KIAA1210: variants seen among roughly 807,000 people sequenced by gnomAD.
The protein encoded by KIAA1210 is acrosomal protein KIAA1210.
In KIAA1210, 48 loss-of-function variants were observed where a neutral mutation model predicts 78.9. The observed-to-expected ratio is 0.61, with a 90% CI of 0.48 to 0.77. The LOEUF (loss-of-function observed/expected upper bound fraction) is 0.77. Among genes scored for constraint, KIAA1210 ranks in the 30% least tolerant of loss-of-function variants. KIAA1210 has a pLI of 0.00. For missense variants in KIAA1210, 1,108 were observed against 1,100.0 expected, an observed-to-expected ratio of 1.01 and a Z score of -0.10; for synonymous variants, 406 against 404.5, an observed-to-expected ratio of 1.00 and a Z score of -0.04.
In KIAA1210 at chrX:119,087,345, C is replaced by T. The variant is rs1569311839; in HGVS notation, c.3357G>A (p.Arg1119=). 8.3e-7 allele frequency: 1 copy of T among 1,211,119 alleles called. No homozygotes were observed. The highest frequency in any genetic ancestry group is 1.7e-5 in the African/African-American group (1 of 57,763). Residue 1119 remains arginine (R), a synonymous_variant, in exon 9 of 12, where the codon AGG becomes AGA. Transcript: ENST00000691062. ...CSSFKEQLSP[R]QLSQALRKPE... ...GTTTCCTCAAGGCCTGGGAAAGCTG[C>T]CTGGGAGACAGCTGCTCTTTAAAAC...
rs182753286 is a variant in KIAA1210, at chrX:119,140,511, G to A, written c.410+6962C>T. The stretch of plus-strand genomic sequence containing the variant: ...GCCACTGCACTCCAGCCTGAGCGAC[G>A]ACAGAACAAGACTCTTTCTTAAAAA... On this transcript the variant is annotated intron_variant, in intron 2 of 13. Transcript: ENST00000402510. Among the ~76,000 whole-genome samples, 310 of 81,763 alleles carry A rather than the reference G, an allele frequency of 3.8e-3. 1 individual carries two copies. Among genetic ancestry groups the A allele is most frequent in the African/African-American group, 0.014 (298 of 21,162 alleles). 71.0% of individuals were successfully genotyped at this position (81,763 alleles called of 115,157 possible). A position where few individuals can be genotyped will look rare whatever the true frequency, so the allele number is the denominator to read the frequency against.
chrX:119,108,498 T>C, intron 4 of KIAA1210, 27 bp from the exon 5 acceptor site: 1 of 1,193,951 alleles, frequency 8.4e-7, no homozygotes, highest in South Asian at 1.9e-5. Context: ...GAAAAAAACT[T>C]GAGGATTGGT....
intron 6 of KIAA1210, among the ~76,000 whole-genome samples, chrX:119,104,584 A>C (rs766286241): frequency 8.9e-6 from 1 of 112,081 alleles, no homozygotes; most frequent in African/African-American, 3.2e-5. Context: ...AAACCTAGAC[A>C]TATGAAATAG....
At chrX:119,150,311 A>T in exon 1 of KIAA1210, 1 of 1,205,897 alleles carries the variant, frequency 8.3e-7, no homozygotes, top group Non-Finnish European at 1.1e-6. Flanking sequence ...AGTGGTAGGG[A>T]ATCGCGGTGT....
At chrX:119,110,819 T>A (rs190711898) in intron 3 of KIAA1210, among the ~76,000 whole-genome samples, 1 of 111,404 alleles carries the variant, frequency 9.0e-6, no homozygotes, top group Non-Finnish European at 1.9e-5. Flanking sequence ...TGAAAGGAAA[T>A]CCCATGTTCA....
chrX:119,138,137 G>T (rs1319684439), intron 2 of KIAA1210, among the ~76,000 whole-genome samples: 1 of 109,398 alleles, frequency 9.1e-6, no homozygotes, highest in Non-Finnish European at 1.9e-5. Context: ...AGGACTAAAA[G>T]GGACATTTCC....
In KIAA1210 at chrX:119,088,942, G is replaced by A; in HGVS notation, c.1760C>T (p.Pro587Leu). ...TGAGGACTGAAAAAGGCTTCTGGGAGGCAGAGTCTTGGCATAAACATCTCC... is the reference window on the plus strand; with the variant it reads ...TGAGGACTGAAAAAGGCTTCTGGGAAGCAGAGTCTTGGCATAAACATCTCC... ...AKGDVYAKTL[P>L]PRSLFQSSRK... Residue 587 changes from proline (P) to leucine (L), a missense_variant, in exon 9 of 12, where the codon CCT becomes CTT. Around this residue, in one of 5 missense-constraint regions of KIAA1210, gnomAD observed 672 missense variants for 607.1 expected, o/e 1.11. Coordinates refer to ENST00000691062, the MANE Select transcript of KIAA1210 (RefSeq NM_001394962.1). 8.3e-7 allele frequency: 1 copy of A among 1,211,470 alleles called. No individual in the cohort carries two copies. The highest frequency in any genetic ancestry group is 1.1e-6 in the Non-Finnish European group (1 of 895,171).
chrX:119,099,599 A>G (rs148956464), intron 6 of KIAA1210, among the ~76,000 whole-genome samples: 219 of 112,494 alleles, frequency 1.9e-3, no homozygotes, highest in African/African-American at 6.9e-3. Flanking sequence ...TTATGTGGGT[A>G]TAGATTATAT....
rs1466161181 is a variant in KIAA1210 at position 119,146,564 on chromosome X, A to G, written c.410+909T>C. On this transcript the variant is annotated intron_variant, in intron 2 of 13. Coordinates refer to the KIAA1210 transcript ENST00000402510. ...ATTTTCTCCTAAATGAATTTTTGCA[A>G]AGATTTAAATACTTTATGTTGTAAA... Among the ~76,000 whole-genome samples the G allele has an allele frequency of 5.3e-5, 6 of 112,468 alleles. No individual in the cohort carries two copies. The Admixed American group carries it at 5.6e-4, about 11-fold the overall frequency.
intron 2 of KIAA1210, among the ~76,000 whole-genome samples, chrX:119,141,876 G>A (rs761519097): frequency 6.7e-4 from 76 of 112,684 alleles, no homozygotes; most frequent in South Asian, 1.8e-3. Context: ...GAAGTAGGTG[G>A]AATGAAAGAA....
At chrX:119,090,870 GA>G (rs1351385972) in intron 8 of KIAA1210, among the ~76,000 whole-genome samples, 5 of 110,993 alleles carry the variant, frequency 4.5e-5, no homozygotes, top group African/African-American at 1.6e-4. Context: ...CTGTGAACCA[GA>G]TGGAAAACTC....
chrX:119,093,879 G>A lies in KIAA1210; in HGVS notation c.847-104C>T, dbSNP rs1927468644. The A allele has an allele frequency of 3.5e-6, 3 of 866,800 alleles. No individual in the cohort carries two copies. In the Admixed American group the frequency reaches 8.2e-5, roughly 24 times the overall value. The allele number at this position is 866,800 out of a possible 1,213,427, so 71.4% of individuals were successfully genotyped here. ...ATCAGGAAAAAAGTTCTTGATGCTGGGCACGTAACAGTACCTTTAAAGATG... is the reference window on the plus strand; with the variant it reads ...ATCAGGAAAAAAGTTCTTGATGCTGAGCACGTAACAGTACCTTTAAAGATG... On this transcript the variant is annotated intron_variant, in intron 7 of 11. Transcript: ENST00000691062.
chrX:119,140,978 C>T (rs1048356298), intron 2 of KIAA1210, among the ~76,000 whole-genome samples: 2 of 112,265 alleles, frequency 1.8e-5, no homozygotes, highest in African/African-American at 3.2e-5. Context: ...TCTGGATACC[C>T]CTCCAACTAT....
At chrX:119,129,469 G>A (rs1569322734), upstream of KIAA1210, among the ~76,000 whole-genome samples, 1 of 110,482 alleles carries the variant, frequency 9.1e-6, no homozygotes, top group East Asian at 2.8e-4. Flanking sequence ...GGTTATATTG[G>A]GTTAAGTAAA....
At chrX:119,106,104 G>A (rs1386786166) in intron 5 of KIAA1210, among the ~76,000 whole-genome samples, 1 of 111,636 alleles carries the variant, frequency 9.0e-6, no homozygotes, top group African/African-American at 3.3e-5. Context: ...TGTGCTCCTG[G>A]GGTGCTCCTG....
intron 2 of KIAA1210, among the ~76,000 whole-genome samples, chrX:119,146,120 G>T (rs979048378): frequency 5.4e-5 from 6 of 112,072 alleles, no homozygotes; most frequent in African/African-American, 1.9e-4. Flanking sequence ...ACTGATGAAA[G>T]AATTCTAAAA....
upstream of KIAA1210, chrX:119,150,717 C>T (rs57600532): frequency 2.4e-3 from 1,580 of 656,685 alleles, 22 homozygotes; most frequent in African/African-American, 0.031. Context: ...AGGAGGGCAC[C>T]GCCCCCAACC....
intron 3 of KIAA1210, 28 bp from the exon 4 acceptor site, chrX:119,109,230 A>C: frequency 2.6e-6 from 3 of 1,176,286 alleles, no homozygotes; most frequent in Non-Finnish European, 3.4e-6. Flanking sequence ...GTCTTGTAAA[A>C]GCAACCCAAG....
chrX:119,097,126 G>A (rs1278208908), intron 6 of KIAA1210, among the ~76,000 whole-genome samples: 3 of 111,701 alleles, frequency 2.7e-5, no homozygotes, highest in Non-Finnish European at 5.6e-5. Context: ...AGGGTTGGGT[G>A]GAGGGAGGAA....
Sources: gnomAD v4.1 joint callset for allele counts (sites outside exome capture counted in the v4.1 genomes callset) on GRCh38, gnomAD v4.1.1 for gene constraint, gnomAD v4.1.1 regional missense constraint, MANE v1.5 for transcripts, NCBI Gene and HGNC (gene_info 2026-07-23, HGNC 2026-07-21) for gene names.